Variants in PHF14 observed in about 807,000 individuals in gnomAD.
The protein encoded by PHF14 is PHD finger protein 14.
PHF14 carries 55 observed loss-of-function variants against 117.9 expected under a neutral mutation model. That is an observed-to-expected ratio of 0.47 (90% CI 0.38 to 0.58). The LOEUF (loss-of-function observed/expected upper bound fraction) is 0.58, where lower values mean the gene tolerates loss of function less well. PHF14 is among the 20% of genes least tolerant of loss of function. PHF14 has a pLI of 0.00. For synonymous variants in PHF14, 409 were observed against 368.6 expected (o/e 1.11, Z -1.26); for missense variants, 978 against 1,122.2 (o/e 0.87, Z 1.84).
chr7:11,103,658 T>C (rs1787166204), intron 16 of PHF14: 8 of 985,250 alleles, frequency 8.1e-6, no homozygotes, highest in Non-Finnish European at 9.6e-6. Flanking sequence ...GGACATCTTT[T>C]CGGGTATAGT....
At chr7:11,020,419 C>T (rs1783695463) in intron 5 of PHF14, among the ~76,000 whole-genome samples, 1 of 151,934 alleles carries the variant, frequency 6.6e-6, no homozygotes, top group African/African-American at 2.4e-5. Context: ...GCTTTGTCAC[C>T]CTGACTGGAG....
chr7:11,005,710 T>C (rs1004578404), intron 4 of PHF14, among the ~76,000 whole-genome samples: 3 of 152,212 alleles, frequency 2.0e-5, no homozygotes, highest in Non-Finnish European at 1.5e-5. Context: ...TTTTCACTTA[T>C]ATATAGTGCT....
At chr7:11,091,520 C>T (rs1583457642) in intron 16 of PHF14, among the ~76,000 whole-genome samples, 1 of 152,200 alleles carries the variant, frequency 6.6e-6, no homozygotes, top group Middle Eastern at 3.4e-3. Flanking sequence ...CTTTGGGCGG[C>T]CAAGGTAGGC....
In PHF14 at chr7:11,105,499, A is replaced by G. The variant is rs1327889024; in HGVS notation, c.2655-5851A>G. Reference sequence around the variant, plus strand: ...TTCAAGGAATTCAGAAGGACTCTCCAGCAGAGCAGAATATTTACATCATTA... The same window carrying G: ...TTCAAGGAATTCAGAAGGACTCTCCGGCAGAGCAGAATATTTACATCATTA... On this transcript the variant is annotated intron_variant, in intron 16 of 17. Transcript: ENST00000634607. The G allele has an allele frequency of 4.1e-6, 4 of 979,966 alleles. No homozygotes were observed. In the East Asian group the frequency reaches 4.5e-4, roughly 111 times the overall value. The allele number at this position is 979,966 out of a possible 1,614,324, so 60.7% of individuals were successfully genotyped here. A position where few individuals can be genotyped will look rare whatever the true frequency, so the allele number is the denominator to read the frequency against.
intron 16 of PHF14, among the ~76,000 whole-genome samples, chr7:11,092,112 C>T (rs1341263397): frequency 6.6e-6 from 1 of 152,120 alleles, no homozygotes; most frequent in African/African-American, 2.4e-5. Flanking sequence ...TAATACTTAT[C>T]TCTGCTTAGT....
intron 14 of PHF14, among the ~76,000 whole-genome samples, chr7:11,058,292 A>G (rs1054157962): frequency 6.6e-6 from 1 of 151,864 alleles, no homozygotes; most frequent in African/African-American, 2.4e-5. Context: ...AATTCTACTT[A>G]TGTTTTGGGA....
At chr7:11,041,617 G>A (rs1460488699) in intron 12 of PHF14, among the ~76,000 whole-genome samples, 2 of 151,830 alleles carry the variant, frequency 1.3e-5, no homozygotes, top group Non-Finnish European at 2.9e-5. Context: ...ACAAGTAATA[G>A]CAAATAACTT....
At chr7:11,112,695 C>T (rs536901102) in intron 17 of PHF14, among the ~76,000 whole-genome samples, 15 of 151,608 alleles carry the variant, frequency 9.9e-5, no homozygotes, top group South Asian at 4.2e-4. Flanking sequence ...CACTTGAACC[C>T]GGGAGGCAGA....
chr7:11,141,816 TTTATTA>T (rs1377912563), intron 17 of PHF14, among the ~76,000 whole-genome samples: 1 of 152,044 alleles, frequency 6.6e-6, no homozygotes, highest in African/African-American at 2.4e-5. Context: ...CTTACATAAC[TTTATTA>T]TTGATATAGA....
intron 17 of PHF14, among the ~76,000 whole-genome samples, chr7:11,150,295 C>T (rs1219482708): frequency 1.3e-5 from 2 of 152,084 alleles, no homozygotes; most frequent in East Asian, 3.9e-4. Context: ...GTGCAGGAAA[C>T]ATTTTATAAC....
At chr7:11,060,445 G>C (rs1785183245) in intron 14 of PHF14, among the ~76,000 whole-genome samples, 1 of 152,206 alleles carries the variant, frequency 6.6e-6, no homozygotes. Flanking sequence ...CTAGCCATAA[G>C]TTTTCAGTTA....
intron 17 of PHF14, among the ~76,000 whole-genome samples, chr7:11,152,222 T>G (rs1017911462): frequency 2.0e-5 from 3 of 152,150 alleles, no homozygotes; most frequent in Admixed American, 2.0e-4. Context: ...CTTTTAAAAT[T>G]TATTGATCAT....
intron 16 of PHF14, chr7:11,106,245 T>C (rs1787258637): frequency 2.1e-6 from 2 of 972,352 alleles, no homozygotes; most frequent in Admixed American, 1.2e-4. Context: ...ATTTGGATAT[T>C]TTTCTAATTT....
rs1783785248 is a variant in PHF14 at position 11,022,970 on chromosome 7, T to C, written c.1308T>C (p.Tyr436=). The stretch of plus-strand genomic sequence containing the variant: ...TAACGGAAATGAACTATTCCAAATA[T>C]GGTGCCAAGGTGAGACACAAAGCAT... ...VTLTEMNYSK[Y]GAKECSFCED... is the part of the protein sequence containing the mutation. The change falls in exon 6 of 18, where the codon TAT becomes TAC. Residue 436 remains tyrosine, a synonymous_variant. Coordinates refer to ENST00000634607, the MANE Select transcript of PHF14 (RefSeq NM_001007157.2). The C allele has an allele frequency of 1.9e-6, 3 of 1,587,640 alleles. No individual in the cohort carries two copies. The highest frequency in any genetic ancestry group is 1.1e-5 in the South Asian group (1 of 88,722).
chr7:11,067,951 T>C (rs1785478427), intron 16 of PHF14, among the ~76,000 whole-genome samples: 1 of 152,108 alleles, frequency 6.6e-6, no homozygotes, highest in African/African-American at 2.4e-5. Flanking sequence ...ACACCTCCCA[T>C]TAGGACCCCC....
At chr7:11,104,322 A>G (rs1208003697) in intron 16 of PHF14, 1 of 979,058 alleles carries the variant, frequency 1.0e-6, no homozygotes, top group Non-Finnish European at 1.2e-6. Context: ...CATAAGATAT[A>G]GGTCCTGCAA....
intron 17 of PHF14, among the ~76,000 whole-genome samples, chr7:11,122,386 TACATACACACAC>T (rs1787796131): frequency 2.6e-4 from 22 of 83,836 alleles, no homozygotes; most frequent in East Asian, 2.1e-3. Context: ...CACACACACA[TACATACACACAC>T]ATATATATAT....
intron 17 of PHF14, 101 bp downstream of exon 17, chr7:11,111,568 G>C: frequency 5.2e-6 from 3 of 580,724 alleles, no homozygotes; most frequent in East Asian, 3.1e-5. Context: ...GGAATATGAA[G>C]AACCAACATT....
intron 2 of PHF14, among the ~76,000 whole-genome samples, chr7:10,980,847 T>A (rs1317958230): frequency 6.6e-6 from 1 of 152,192 alleles, no homozygotes; most frequent in African/African-American, 2.4e-5. Flanking sequence ...AATTATGAAT[T>A]CTGAAACACA....
Sources: gnomAD v4.1 joint callset for allele counts (sites outside exome capture counted in the v4.1 genomes callset) on GRCh38, gnomAD v4.1.1 for gene constraint, MANE v1.5 for transcripts, NCBI Gene and HGNC (gene_info 2026-07-23, HGNC 2026-07-21) for gene names.